TMSB10: variants seen among roughly 807,000 people sequenced by gnomAD.
TMSB10 encodes the protein thymosin beta 10.
A neutral mutation model predicts 4.5 loss-of-function variants in TMSB10; 4 were observed. The observed-to-expected ratio is 0.89, with a 90% confidence interval of 0.44 to 2.03. The LOEUF is 2.03. Among genes scored for constraint, TMSB10 ranks in the 30% most tolerant of loss-of-function variants. TMSB10 has a pLI of 0.03. For synonymous variants in TMSB10, 17 were observed against 20.3 expected, an observed-to-expected ratio of 0.84 and a Z score of 0.44; for missense variants, 44 against 53.9, an observed-to-expected ratio of 0.82 and a Z score of 0.57.
In TMSB10 at chr2:84,906,396, G is replaced by A. The variant is rs780367335; in HGVS notation, c.108G>A (p.Glu36=). ...KNTLPTKETI[E]QEKRSEIS Reference sequence around the variant, plus strand: ...GCTTCCCGCTCTCCACAGCCATTGAGCAGGAGAAGCGGAGTGAAATTTCCT... The same window carrying A: ...GCTTCCCGCTCTCCACAGCCATTGAACAGGAGAAGCGGAGTGAAATTTCCT... Residue 36 remains glutamate (E), a synonymous_variant, in exon 3 of 3, where the codon GAG becomes GAA. Transcript: ENST00000233143. 2.1e-5 allele frequency: 33 copies of A among 1,605,446 alleles called. No homozygotes were observed. The highest frequency in any genetic ancestry group is 2.7e-5 in the African/African-American group (2 of 74,842).
chr2:84,906,318 C>T, intron 2 of TMSB10, 71 bp from the exon 3 acceptor site: 2 of 1,529,900 alleles, frequency 1.3e-6, no homozygotes, highest in South Asian at 2.4e-5. Context: ...GCCTCGCCCA[C>T]ACCGGGAAGC....
In TMSB10 at chr2:84,905,955, G is replaced by A. The variant is rs1683685301; in HGVS notation, c.-15-48G>A. 2.6e-6 allele frequency: 4 copies of A among 1,521,980 alleles called. No homozygotes were observed. In the South Asian group the frequency reaches 3.4e-5, roughly 13 times the overall value. 94.3% of individuals were successfully genotyped at this position (1,521,980 alleles called of 1,614,324 possible). A position where few individuals can be genotyped will look rare whatever the true frequency, so the allele number is the denominator to read the frequency against. On this transcript the variant is annotated intron_variant, in intron 1 of 2. Transcript: ENST00000233143. ...AGGCGTCGGCGGGGAGCGCGGAAGG[G>A]GACGCTGGCCCCCAGGCCCAGGTCA...
intron 1 of TMSB10, 130 bp downstream of exon 1, chr2:84,905,848 A>C: frequency 1.8e-6 from 1 of 560,378 alleles, no homozygotes; most frequent in Non-Finnish European, 3.1e-6. Context: ...ACGCCCTGGG[A>C]CCGAGAAGAG....
Position 84,905,698 on chromosome 2 carries a change from G to A in TMSB10, c.-36G>A, listed in dbSNP as rs936317909. The A allele has an allele frequency of 4.5e-5, 9 of 199,196 alleles. No homozygotes were observed. The East Asian group carries it at 6.2e-4, about 14-fold the overall frequency. The allele number at this position is 199,196 out of a possible 1,614,324, so 12.3% of individuals were successfully genotyped here. A position where few individuals can be genotyped will look rare whatever the true frequency, so the allele number is the denominator to read the frequency against. On this transcript the variant is annotated 5_prime_UTR_variant, in exon 1 of 3. Transcript: ENST00000233143. Reference sequence around the variant, plus strand: ...CGCGAGTGGGAGCACCAGGATCTCGGGCTCGGAACGAGACTGCACGGTGAG... The same window carrying A: ...CGCGAGTGGGAGCACCAGGATCTCGAGCTCGGAACGAGACTGCACGGTGAG...
At chr2:84,905,855 A>G (rs1371734519) in intron 1 of TMSB10, 137 bp downstream of exon 1, 7 of 578,032 alleles carry the variant, frequency 1.2e-5, no homozygotes, top group Middle Eastern at 4.8e-4. Flanking sequence ...GGGACCGAGA[A>G]GAGGGGTGCG....
chr2:84,906,263 C>A, intron 2 of TMSB10, 126 bp from the exon 3 acceptor site: 1 of 1,440,778 alleles, frequency 6.9e-7, no homozygotes, highest in Non-Finnish European at 9.3e-7. Flanking sequence ...CGCCTTGTTT[C>A]TCCCCAGCCC....
At position 84,905,983 on chromosome 2, in the gene TMSB10, C is replaced by T; in HGVS notation, c.-15-20C>T. 6.2e-7 allele frequency: 1 copy of T among 1,602,528 alleles called. No homozygotes were observed. The highest frequency in any genetic ancestry group is 1.1e-5 in the South Asian group (1 of 90,654). On this transcript the variant is annotated intron_variant, in intron 1 of 2. Transcript: ENST00000233143. ...CGCTGGCCCCCAGGCCCAGGTCAAG[C>T]GCCTTGGTTTGCCCACTAGGATTGT...
At position 84,905,707 on chromosome 2, in the gene TMSB10, C is replaced by G. The variant is rs1683679654; in HGVS notation, c.-27C>G. The G allele has an allele frequency of 8.8e-6, 2 of 226,638 alleles. No individual in the cohort carries two copies. Among genetic ancestry groups the G allele is most frequent in the South Asian group, 7.3e-5 (1 of 13,736 alleles). 14.0% of individuals were successfully genotyped at this position (226,638 alleles called of 1,614,324 possible). A position where few individuals can be genotyped will look rare whatever the true frequency, so the allele number is the denominator to read the frequency against. On this transcript the variant is annotated 5_prime_UTR_variant, in exon 1 of 3. Transcript: ENST00000233143. ...GAGCACCAGGATCTCGGGCTCGGAA[C>G]GAGACTGCACGGTGAGTGCGGCGCC...
intron 1 of TMSB10, 78 bp downstream of exon 1, chr2:84,905,796 C>G (rs1683682439): frequency 4.9e-6 from 2 of 409,968 alleles, no homozygotes; most frequent in Admixed American, 4.9e-5. Context: ...GCCGCAACCG[C>G]GACAGGCGCC....
chr2:84,906,617 G>A lies in TMSB10; in HGVS notation c.*194G>A. 2.0e-6 allele frequency: 1 copy of A among 498,668 alleles called. No homozygotes were observed. Among genetic ancestry groups the A allele is most frequent in the Non-Finnish European group, 3.4e-6 (1 of 291,024 alleles). The allele number at this position is 498,668 out of a possible 1,614,324, so 30.9% of individuals were successfully genotyped here. ...TGCCAAATTCTCCGGTTTGCCCCGG[G>A]ATATTATAGAAAATTATTTGTATGA... On this transcript the variant is annotated 3_prime_UTR_variant, in exon 3 of 3. Coordinates refer to ENST00000233143, the MANE Select transcript of TMSB10 (RefSeq NM_021103.4).
chr2:84,906,528 C>T lies in TMSB10; in HGVS notation c.*105C>T. The T allele has an allele frequency of 7.4e-7, 1 of 1,355,378 alleles. No individual in the cohort carries two copies. Among genetic ancestry groups the T allele is most frequent in the East Asian group, 2.7e-5 (1 of 37,342 alleles). The allele number at this position is 1,355,378 out of a possible 1,614,324, so 84.0% of individuals were successfully genotyped here. On this transcript the variant is annotated 3_prime_UTR_variant, in exon 3 of 3. Coordinates refer to ENST00000233143, the MANE Select transcript of TMSB10 (RefSeq NM_021103.4). ...ACGAGCCACAAGCTGCACTGTGAAC[C>T]TGGGCACTCCGCGCCGATGCCACCG...
chr2:84,905,812 CGGACCGGACGCAG>C, intron 1 of TMSB10, 94 bp downstream of exon 1: 2 of 437,620 alleles, frequency 4.6e-6, no homozygotes, highest in Non-Finnish European at 8.2e-6. Context: ...GCGCCCTTCT[CGGACCGGACGCAG>C]GGGCCGGCGA....
In TMSB10 at chr2:84,906,196, C is replaced by A. The variant is rs12471929; in HGVS notation, c.100+79C>A. On this transcript the variant is annotated intron_variant, in intron 2 of 2. Transcript: ENST00000233143. ...CTTGCAAACCCACTCCTCCACCCCCCACCCCGCCGTTGTCCCCGGTGTGGG... is the reference window on the plus strand; with the variant it reads ...CTTGCAAACCCACTCCTCCACCCCCAACCCCGCCGTTGTCCCCGGTGTGGG... 10 of 1,471,130 alleles carry A rather than the reference C, an allele frequency of 6.8e-6. No homozygotes were observed. In the African/African-American group the frequency reaches 1.3e-4, roughly 19 times the overall value. The allele number at this position is 1,471,130 out of a possible 1,614,324, so 91.1% of individuals were successfully genotyped here.
chr2:84,905,916 A>G (rs1266120356), intron 1 of TMSB10, 87 bp from the exon 2 acceptor site: 2 of 1,107,016 alleles, frequency 1.8e-6, no homozygotes, highest in Non-Finnish European at 2.7e-6. Flanking sequence ...CCTTGGCGCG[A>G]GTGCCACGTC....
In TMSB10 at chr2:84,906,032, A is replaced by G. The variant is rs778077940; in HGVS notation, c.15A>G (p.Pro5=). Residue 5 remains proline, a synonymous_variant, in exon 2 of 3, where the codon CCA becomes CCG. Coordinates refer to ENST00000233143, the MANE Select transcript of TMSB10 (RefSeq NM_021103.4). MADK[P]DMGEIASFDK... ...GTTTTAAGAAAATGGCAGACAAACC[A>G]GACATGGGGGAAATCGCCAGCTTCG... 1 of 1,614,058 alleles carries G rather than the reference A, an allele frequency of 6.2e-7. No individual in the cohort carries two copies. Among genetic ancestry groups the G allele is most frequent in the Non-Finnish European group, 8.5e-7 (1 of 1,179,972 alleles).
rs529620142 is a variant in TMSB10 at position 84,905,859 on chromosome 2, G to C, written c.-16+141G>C. 8.0e-4 allele frequency: 478 copies of C among 599,360 alleles called. 2 individuals carry two copies. The African/African-American group carries it at 8.6e-3, about 11-fold the overall frequency. 37.1% of individuals were successfully genotyped at this position (599,360 alleles called of 1,614,324 possible). A position where few individuals can be genotyped will look rare whatever the true frequency, so the allele number is the denominator to read the frequency against. ...GACCACGCCCTGGGACCGAGAAGAG[G>C]GGTGCGGGACGCGCCCAGATCCTCG... On this transcript the variant is annotated intron_variant, in intron 1 of 2. Coordinates refer to ENST00000233143, the MANE Select transcript of TMSB10 (RefSeq NM_021103.4).
In TMSB10 at chr2:84,905,711, A is replaced by G; in HGVS notation, c.-23A>G. 7.7e-6 allele frequency: 2 copies of G among 261,344 alleles called. No individual in the cohort carries two copies. The highest frequency in any genetic ancestry group is 1.5e-5 in the Non-Finnish European group (2 of 136,238). 16.2% of individuals were successfully genotyped at this position (261,344 alleles called of 1,614,324 possible). ...ACCAGGATCTCGGGCTCGGAACGAG[A>G]CTGCACGGTGAGTGCGGCGCCGGGG... On this transcript the variant is annotated 5_prime_UTR_variant, in exon 1 of 3. Coordinates refer to ENST00000233143, the MANE Select transcript of TMSB10 (RefSeq NM_021103.4).
At chr2:84,905,863 G>T in intron 1 of TMSB10, 140 bp from the exon 2 acceptor site, 1 of 617,952 alleles carries the variant, frequency 1.6e-6, no homozygotes, top group East Asian at 3.3e-5. Flanking sequence ...GAAGAGGGGT[G>T]CGGGACGCGC....
intron 2 of TMSB10, 23 bp downstream of exon 2, chr2:84,906,140 CG>C: frequency 6.2e-7 from 1 of 1,608,118 alleles, no homozygotes; most frequent in Non-Finnish European, 8.5e-7. Context: ...CGGTCTCCCG[CG>C]CCCCAGCCCA....
Sources: gnomAD v4.1 joint callset for allele counts on GRCh38, gnomAD v4.1.1 for gene constraint, MANE v1.5 for transcripts, NCBI Gene and HGNC (gene_info 2026-07-23, HGNC 2026-07-21) for gene names.